The following SPAG1 variants were observed in gnomAD, a reference collection of about 807,000 sequenced individuals.
SPAG1 encodes sperm-associated antigen 1.
SPAG1 carries 69 observed loss-of-function variants against 100.5 expected under a neutral mutation model. The observed-to-expected ratio is 0.69, with a 90% confidence interval of 0.57 to 0.84. SPAG1 has a LOEUF of 0.84. SPAG1 is among the 40% of genes least tolerant of loss of function. SPAG1 has a pLI of 0.00. For missense variants in SPAG1, 955 were observed against 1,133.1 expected, an observed-to-expected ratio of 0.84 and a Z score of 2.26; for synonymous variants, 336 against 411.6, an observed-to-expected ratio of 0.82 and a Z score of 2.22.
intron 14 of SPAG1, among the ~76,000 whole-genome samples, chr8:100,225,829 G>GTTTTT (rs879577104): frequency 8.6e-5 from 13 of 151,492 alleles, no homozygotes; most frequent in Non-Finnish European, 1.5e-4. Context: ...ATGTAAAAGC[G>GTTTTT]TTTTTTGTTT....
At chr8:100,206,127 A>G (rs959183101) in intron 10 of SPAG1, among the ~76,000 whole-genome samples, 1 of 150,900 alleles carries the variant, frequency 6.6e-6, no homozygotes, top group Non-Finnish European at 1.5e-5. Context: ...CAGAAGACCG[A>G]TGGATCTTGG....
At chr8:100,159,280 C>T (rs893481341) in intron 1 of SPAG1, among the ~76,000 whole-genome samples, 6 of 152,148 alleles carry the variant, frequency 3.9e-5, no homozygotes, top group Admixed American at 3.9e-4. Context: ...AACTTCTACC[C>T]TTGAGGTTAT....
At chr8:100,172,394 G>A (rs564150485) in intron 3 of SPAG1, among the ~76,000 whole-genome samples, 3 of 152,158 alleles carry the variant, frequency 2.0e-5, no homozygotes, top group South Asian at 2.1e-4. Context: ...CGAGGCAGGC[G>A]GATCACCTGA....
chr8:100,196,868 T>G (rs1262139957), intron 10 of SPAG1, among the ~76,000 whole-genome samples: 1 of 151,960 alleles, frequency 6.6e-6, no homozygotes, highest in African/African-American at 2.4e-5. Context: ...ACAGCTATGA[T>G]CACTCTTTAT....
At chr8:100,158,654 G>GTGGA (rs1815172992) in intron 1 of SPAG1, 38 bp downstream of exon 1, 1 of 152,256 alleles carries the variant, frequency 6.6e-6, no homozygotes, top group African/African-American at 2.4e-5. Context: ...GGAGGTGGAT[G>GTGGA]TGGATCAGGA....
At chr8:100,232,772 T>C (rs1469680852) in intron 15 of SPAG1, among the ~76,000 whole-genome samples, 3 of 152,206 alleles carry the variant, frequency 2.0e-5, no homozygotes, top group African/African-American at 7.2e-5. Flanking sequence ...TTCATCGGAC[T>C]TCCATTAAGC....
At chr8:100,195,919 T>C (rs1244498984) in intron 10 of SPAG1, among the ~76,000 whole-genome samples, 1 of 152,308 alleles carries the variant, frequency 6.6e-6, no homozygotes, top group East Asian at 1.9e-4. Flanking sequence ...TCACCCCAGC[T>C]CTTCTCTATT....
chr8:100,204,388 C>T (rs938794836), intron 10 of SPAG1, among the ~76,000 whole-genome samples: 1 of 151,768 alleles, frequency 6.6e-6, no homozygotes, highest in African/African-American at 2.4e-5. Flanking sequence ...GGAGAACAGG[C>T]ATGGGAATGG....
At chr8:100,221,966 A>G (rs1201172052) in intron 13 of SPAG1, among the ~76,000 whole-genome samples, 1 of 152,248 alleles carries the variant, frequency 6.6e-6, no homozygotes, top group Non-Finnish European at 1.5e-5. Context: ...AGAAAGGGAC[A>G]TACATCCATA....
chr8:100,166,710 A>T (rs964196834), intron 3 of SPAG1, among the ~76,000 whole-genome samples: 1 of 152,018 alleles, frequency 6.6e-6, no homozygotes, highest in Non-Finnish European at 1.5e-5. Flanking sequence ...GGAGTTTGAG[A>T]CCAGCCTGGG....
intron 10 of SPAG1, among the ~76,000 whole-genome samples, chr8:100,200,634 C>A (rs954766013): frequency 1.3e-5 from 2 of 152,186 alleles, no homozygotes; most frequent in African/African-American, 4.8e-5. Context: ...TTAATGATTG[C>A]CATTCTAACT....
At chr8:100,219,664 A>C (rs1563805631) in intron 12 of SPAG1, among the ~76,000 whole-genome samples, 1 of 152,224 alleles carries the variant, frequency 6.6e-6, no homozygotes, top group Non-Finnish European at 1.5e-5. Flanking sequence ...AAACACTTCA[A>C]ACAAAACCAA....
In SPAG1 at chr8:100,213,401, G is replaced by A; in HGVS notation, c.1408G>A (p.Ala470Thr). 6.9e-7 allele frequency: 1 copy of A among 1,440,074 alleles called. No individual in the cohort carries two copies. Among genetic ancestry groups the A allele is most frequent in the South Asian group, 1.4e-5 (1 of 72,008 alleles). The allele number at this position is 1,440,074 out of a possible 1,614,324, so 89.2% of individuals were successfully genotyped here. The change falls in exon 11 of 19, where the codon GCG becomes ACG. Residue 470 changes from alanine to threonine, a missense_variant. Physicochemically the swap from Ala to Thr is moderately conservative, Grantham distance 58. Coordinates refer to ENST00000388798, the MANE Select transcript of SPAG1 (RefSeq NM_003114.5). ...CGCCGAGGCGGCCGGCAAGTACTCG[G>A]CGGCAATCGCGCTCCTGGAGCCAGC... Reference protein sequence around the residue: ...QFAEAAGKYSAAIALLEPAGS... With the variant: ...QFAEAAGKYSTAIALLEPAGS...
chr8:100,161,293 G>A (rs753535105), intron 1 of SPAG1, among the ~76,000 whole-genome samples: 1 of 152,254 alleles, frequency 6.6e-6, no homozygotes, highest in East Asian at 1.9e-4. Flanking sequence ...AGTGACCCAC[G>A]ATTGCACCAC....
At chr8:100,216,696 T>C (rs777769170) in intron 12 of SPAG1, among the ~76,000 whole-genome samples, 1 of 152,114 alleles carries the variant, frequency 6.6e-6, no homozygotes, top group Non-Finnish European at 1.5e-5. Context: ...CCAGTCCCAG[T>C]GTAAGAGAAA....
chr8:100,211,821 GT>G (rs1207165018), intron 10 of SPAG1, among the ~76,000 whole-genome samples: 1 of 152,208 alleles, frequency 6.6e-6, no homozygotes, highest in Non-Finnish European at 1.5e-5. Context: ...TCCATATCAA[GT>G]TCTAAATGAA....
chr8:100,228,580 G>A (rs1818623068), intron 14 of SPAG1, among the ~76,000 whole-genome samples: 1 of 151,978 alleles, frequency 6.6e-6, no homozygotes, highest in African/African-American at 2.4e-5. Flanking sequence ...GAGCATGGTA[G>A]CATGCCCCTG....
chr8:100,191,635 C>A, intron 9 of SPAG1, 139 bp downstream of exon 9: 1 of 549,780 alleles, frequency 1.8e-6, no homozygotes, highest in Non-Finnish European at 3.2e-6. Context: ...TTCCAGACAC[C>A]CCAAAACGTT....
chr8:100,160,316 A>C (rs957669483), intron 1 of SPAG1, among the ~76,000 whole-genome samples: 4 of 152,176 alleles, frequency 2.6e-5, no homozygotes, highest in African/African-American at 9.7e-5. Context: ...ACATAATTCA[A>C]ATTTGTGCTA....
Sources: gnomAD v4.1 joint callset for allele counts (sites outside exome capture counted in the v4.1 genomes callset) on GRCh38, gnomAD v4.1.1 for gene constraint, MANE v1.5 for transcripts, NCBI Gene and HGNC (gene_info 2026-07-23, HGNC 2026-07-21) for gene names.